CDIN1: variants seen among roughly 807,000 people sequenced by gnomAD.
CDIN1 encodes the protein CDAN1-interacting nuclease 1.
In CDIN1, 33 loss-of-function variants were observed where a neutral mutation model predicts 45.3. The observed-to-expected ratio is 0.73, with a 90% CI of 0.55 to 0.97. The LOEUF (loss-of-function observed/expected upper bound fraction) is 0.97. CDIN1 is among the 50% of genes least tolerant of loss of function. CDIN1 has a pLI of 0.00. For synonymous variants in CDIN1, 118 were observed against 124.4 expected (o/e 0.95, Z 0.34); for missense variants, 303 against 339.4 (o/e 0.89, Z 0.84).
chr15:36,598,136 G>A (rs905523442), intron 1 of CDIN1, among the ~76,000 whole-genome samples: 13 of 151,992 alleles, frequency 8.6e-5, no homozygotes, highest in East Asian at 1.9e-4. Context: ...GACTACAGGC[G>A]TGTGCCACCA....
intron 1 of CDIN1, among the ~76,000 whole-genome samples, chr15:36,609,656 G>A (rs1217640793): frequency 3.9e-5 from 6 of 152,192 alleles, no homozygotes; most frequent in Non-Finnish European, 8.8e-5. Flanking sequence ...ATGCTGGGAA[G>A]AGACCATCAC....
intron 1 of CDIN1, among the ~76,000 whole-genome samples, chr15:36,601,001 A>G (rs1392991045): frequency 6.6e-6 from 1 of 152,128 alleles, no homozygotes; most frequent in Admixed American, 6.5e-5. Flanking sequence ...ATGTGATTCA[A>G]CATAATTTCT....
intron 1 of CDIN1, among the ~76,000 whole-genome samples, chr15:36,601,598 CTT>C (rs1336587955): frequency 6.6e-6 from 1 of 152,186 alleles, no homozygotes; most frequent in African/African-American, 2.4e-5. Flanking sequence ...TTCTGGAGCT[CTT>C]TGGTTTTCTC....
At chr15:36,775,226 A>G (rs1222339701) in intron 10 of CDIN1, among the ~76,000 whole-genome samples, 2 of 152,230 alleles carry the variant, frequency 1.3e-5, no homozygotes, top group Non-Finnish European at 2.9e-5. Flanking sequence ...GGGAAGAAAC[A>G]TGAATGAGCA....
chr15:36,583,871 C>T (rs1366260713), intron 1 of CDIN1, among the ~76,000 whole-genome samples: 3 of 152,080 alleles, frequency 2.0e-5, no homozygotes, highest in Non-Finnish European at 4.4e-5. Context: ...AGAAAATTAG[C>T]TGGGCACGGT....
At chr15:36,751,117 T>C (rs984238401) in intron 10 of CDIN1, among the ~76,000 whole-genome samples, 1 of 151,228 alleles carries the variant, frequency 6.6e-6, no homozygotes, top group Non-Finnish European at 1.5e-5. Context: ...AAATTTTAGA[T>C]CAATATCCAC....
chr15:36,721,357 C>CA (rs2043410701), intron 10 of CDIN1, among the ~76,000 whole-genome samples: 2 of 152,152 alleles, frequency 1.3e-5, no homozygotes, highest in Admixed American at 1.3e-4. Flanking sequence ...GGCTGTATCT[C>CA]ACAAATATTT....
intron 10 of CDIN1, among the ~76,000 whole-genome samples, chr15:36,766,433 T>C (rs1342832776): frequency 1.3e-5 from 2 of 151,992 alleles, no homozygotes; most frequent in Non-Finnish European, 2.9e-5. Context: ...GAAGCAGGAT[T>C]GCTGGATCAT....
At chr15:36,632,349 T>G (rs2039714030) in intron 1 of CDIN1, among the ~76,000 whole-genome samples, 1 of 152,084 alleles carries the variant, frequency 6.6e-6, no homozygotes, top group Admixed American at 6.6e-5. Flanking sequence ...CTAAGGGAAG[T>G]TCCTTCAGAA....
chr15:36,647,370 G>A (rs1478233770), intron 3 of CDIN1, among the ~76,000 whole-genome samples: 15 of 152,094 alleles, frequency 9.9e-5, no homozygotes, highest in Admixed American at 9.2e-4. Context: ...ACAGTTGAGT[G>A]GGTAATAATG....
intron 1 of CDIN1, among the ~76,000 whole-genome samples, chr15:36,633,425 CA>C (rs1396690119): frequency 6.6e-6 from 1 of 151,962 alleles, no homozygotes; most frequent in South Asian, 2.1e-4. Flanking sequence ...TATATATTCA[CA>C]AAAAATAGGG....
At chr15:36,656,906 G>C (rs2040806317) in intron 4 of CDIN1, among the ~76,000 whole-genome samples, 1 of 152,114 alleles carries the variant, frequency 6.6e-6, no homozygotes. Flanking sequence ...AAAATTCATG[G>C]TGATAATATA....
At chr15:36,805,571 C>T (rs188405201) in intron 10 of CDIN1, among the ~76,000 whole-genome samples, 1 of 152,124 alleles carries the variant, frequency 6.6e-6, no homozygotes, top group African/African-American at 2.4e-5. Flanking sequence ...TAAAAATTTT[C>T]TAGGGTCCTA....
chr15:36,628,288 G>A (rs577309066), intron 1 of CDIN1, among the ~76,000 whole-genome samples: 9 of 152,238 alleles, frequency 5.9e-5, no homozygotes, highest in African/African-American at 1.9e-4. Context: ...TTTCCAGAAT[G>A]CCATAGAAAT....
chr15:36,682,767 C>CAAAAAA (rs10706117), intron 5 of CDIN1, among the ~76,000 whole-genome samples: 51 of 61,314 alleles, frequency 8.3e-4, no homozygotes, highest in African/African-American at 9.4e-4. Context: ...AAGACCCTGC[C>CAAAAAA]AAAAAAAAAA....
intron 1 of CDIN1, among the ~76,000 whole-genome samples, chr15:36,638,356 C>CT (rs1284851459): frequency 6.6e-6 from 1 of 152,204 alleles, no homozygotes; most frequent in African/African-American, 2.4e-5. Context: ...AACTAGGAAA[C>CT]TCTTCATTGA....
intron 8 of CDIN1, 131 bp from the exon 9 acceptor site, chr15:36,709,092 C>T (rs2042965276): frequency 1.6e-6 from 1 of 612,018 alleles, no homozygotes. Context: ...TGACACAGCA[C>T]TGCATGCATA....
At chr15:36,764,410 A>G (rs2053857662) in intron 10 of CDIN1, among the ~76,000 whole-genome samples, 1 of 152,188 alleles carries the variant, frequency 6.6e-6, no homozygotes, top group Non-Finnish European at 1.5e-5. Context: ...GTTTGTACAT[A>G]TGCATTTGTT....
chr15:36,685,385 C>A (rs978092372), intron 5 of CDIN1, among the ~76,000 whole-genome samples: 2 of 151,568 alleles, frequency 1.3e-5, no homozygotes, highest in South Asian at 2.1e-4. Flanking sequence ...TGTAGTTGAG[C>A]GGTTTTGAGT....
Sources: gnomAD v4.1 joint callset for allele counts (sites outside exome capture counted in the v4.1 genomes callset) on GRCh38, gnomAD v4.1.1 for gene constraint, MANE v1.5 for transcripts, NCBI Gene and HGNC (gene_info 2026-07-23, HGNC 2026-07-21) for gene names.